OPCML: variants seen among roughly 807,000 people sequenced by gnomAD.
OPCML encodes the protein opioid-binding protein/cell adhesion molecule.
Under a neutral mutation model 37.8 loss-of-function variants are expected in OPCML, and 13 were observed. The ratio of observed to expected loss-of-function variants is 0.34; its 90% CI spans 0.22 to 0.55. OPCML has a LOEUF of 0.55. Ranked by LOEUF, OPCML falls within the 20% of genes least tolerant of loss-of-function variation. The pLI, the probability that OPCML is intolerant of heterozygous loss-of-function variation, is 0.91. For missense variants in OPCML, 341 were observed against 435.6 expected (o/e 0.78, Z 1.93); for synonymous variants, 176 against 168.8 (o/e 1.04, Z -0.33).
intron 2 of OPCML, among the ~76,000 whole-genome samples, chr11:132,873,674 C>T (rs988852706): frequency 1.6e-5 from 2 of 127,270 alleles, no homozygotes; most frequent in Non-Finnish European, 3.2e-5. Flanking sequence ...TATAAAGAGA[C>T]ATCAAAAATT....
At chr11:132,760,718 G>T (rs1946232108) in intron 2 of OPCML, among the ~76,000 whole-genome samples, 1 of 151,570 alleles carries the variant, frequency 6.6e-6, no homozygotes, top group Non-Finnish European at 1.5e-5. Flanking sequence ...TGGGTCTCTT[G>T]AATACAGCAC....
intron 1 of OPCML, among the ~76,000 whole-genome samples, chr11:132,959,132 T>C (rs577423196): frequency 2.0e-5 from 3 of 152,360 alleles, no homozygotes; most frequent in South Asian, 2.1e-4. Flanking sequence ...GAGGTCAAAG[T>C]ATCCACATTA....
At chr11:133,389,668 A>G (rs922750031) in intron 1 of OPCML, among the ~76,000 whole-genome samples, 1 of 152,158 alleles carries the variant, frequency 6.6e-6, no homozygotes, top group African/African-American at 2.4e-5. Flanking sequence ...TTGGACCTCA[A>G]GTTGAATAAA....
intron 1 of OPCML, among the ~76,000 whole-genome samples, chr11:133,244,300 G>T (rs1012471084): frequency 6.6e-6 from 1 of 152,050 alleles, no homozygotes; most frequent in Non-Finnish European, 1.5e-5. Flanking sequence ...GACATACCTC[G>T]AAGGGCTGAG....
chr11:132,462,955 G>A (rs955740234), intron 4 of OPCML, among the ~76,000 whole-genome samples: 1 of 152,142 alleles, frequency 6.6e-6, no homozygotes, highest in African/African-American at 2.4e-5. Context: ...ACAAGGCCAT[G>A]ACCACTCTGC....
chr11:133,411,471 A>G (rs569402906), intron 1 of OPCML, among the ~76,000 whole-genome samples: 5 of 152,104 alleles, frequency 3.3e-5, no homozygotes, highest in Non-Finnish European at 7.4e-5. Context: ...TGGGAAAGGA[A>G]CCCTTGGGAA....
At chr11:132,729,849 C>T (rs934103752) in intron 2 of OPCML, among the ~76,000 whole-genome samples, 20 of 152,046 alleles carry the variant, frequency 1.3e-4, no homozygotes, top group African/African-American at 4.6e-4. Context: ...AGGGGATGAG[C>T]AGGATATTCT....
intron 1 of OPCML, among the ~76,000 whole-genome samples, chr11:133,237,389 C>G (rs1940561292): frequency 1.3e-5 from 2 of 152,182 alleles, no homozygotes; most frequent in South Asian, 4.1e-4. Context: ...TTAGTGTGCT[C>G]TGGTTGCCAT....
chr11:132,709,254 G>A (rs1944162898), intron 2 of OPCML, among the ~76,000 whole-genome samples: 1 of 151,982 alleles, frequency 6.6e-6, no homozygotes, highest in Non-Finnish European at 1.5e-5. Flanking sequence ...TTTTTTTCTT[G>A]TTCTTAAAAA....
At chr11:133,334,500 G>A (rs988007349) in intron 1 of OPCML, among the ~76,000 whole-genome samples, 12 of 152,138 alleles carry the variant, frequency 7.9e-5, no homozygotes, top group African/African-American at 2.9e-4. Context: ...ACTTGATGGG[G>A]AGGGTGGGAG....
intron 3 of OPCML, among the ~76,000 whole-genome samples, chr11:132,547,885 C>T (rs770532645): frequency 1.3e-5 from 2 of 152,064 alleles, no homozygotes; most frequent in Non-Finnish European, 2.9e-5. Flanking sequence ...GGAGAGAGAC[C>T]CAAAGGAGCT....
At chr11:132,486,141 A>T (rs2096199093) in intron 4 of OPCML, among the ~76,000 whole-genome samples, 1 of 152,172 alleles carries the variant, frequency 6.6e-6, no homozygotes, top group Non-Finnish European at 1.5e-5. Flanking sequence ...CTTGGTCCTC[A>T]AATCTTTATA....
chr11:133,229,279 T>A (rs1378426106), intron 1 of OPCML, among the ~76,000 whole-genome samples: 1 of 152,144 alleles, frequency 6.6e-6, no homozygotes, highest in East Asian at 1.9e-4. Flanking sequence ...AATACGGTAG[T>A]CCCCCGCTTT....
intron 1 of OPCML, among the ~76,000 whole-genome samples, chr11:133,523,407 C>T (rs1426813385): frequency 6.6e-6 from 1 of 152,136 alleles, no homozygotes; most frequent in Non-Finnish European, 1.5e-5. Flanking sequence ...CCACCTACAA[C>T]TTTCCTTTAA....
At chr11:132,535,852 A>C (rs2096339265) in intron 3 of OPCML, among the ~76,000 whole-genome samples, 1 of 152,108 alleles carries the variant, frequency 6.6e-6, no homozygotes, top group African/African-American at 2.4e-5. Context: ...GGTATGGGTA[A>C]AACTCTGAGC....
At chr11:132,977,524 G>A (rs766121131) in intron 1 of OPCML, among the ~76,000 whole-genome samples, 9 of 152,162 alleles carry the variant, frequency 5.9e-5, no homozygotes, top group Non-Finnish European at 1.0e-4. Context: ...ATGCAGCCAC[G>A]CATTCACTCA....
At chr11:132,440,334 G>A (rs1324604373) in intron 4 of OPCML, among the ~76,000 whole-genome samples, 1 of 146,290 alleles carries the variant, frequency 6.8e-6, no homozygotes, top group South Asian at 2.2e-4. Flanking sequence ...ATTCTTTAGA[G>A]TTTTTTTTTT....
chr11:132,537,230 A>G (rs2096343229), intron 3 of OPCML, among the ~76,000 whole-genome samples: 1 of 152,234 alleles, frequency 6.6e-6, no homozygotes, highest in African/African-American at 2.4e-5. Flanking sequence ...AATCAGCATA[A>G]GGATAGGCAT....
At chr11:132,977,508 C>T (rs889411660) in intron 1 of OPCML, among the ~76,000 whole-genome samples, 9 of 152,258 alleles carry the variant, frequency 5.9e-5, no homozygotes, top group African/African-American at 2.2e-4. Context: ...ATCACACTCA[C>T]TGTAAATGCA....
Sources: gnomAD v4.1 joint callset for allele counts (sites outside exome capture counted in the v4.1 genomes callset) on GRCh38, gnomAD v4.1.1 for gene constraint, MANE v1.5 for transcripts, NCBI Gene and HGNC (gene_info 2026-07-23, HGNC 2026-07-21) for gene names.